ENTREP2: variants seen among roughly 807,000 people sequenced by gnomAD.
The protein encoded by ENTREP2 is protein ENTREP2.
At chr15:29,229,961 A>AT in the ENTREP2 span, among the ~76,000 whole-genome samples, 3 of 130,348 alleles carry the variant, frequency 2.3e-5, no homozygotes, top group Admixed American at 2.5e-4. Flanking sequence ...CAAACTTAAC[A>AT]TTAAAAAAAA....
At chr15:29,337,128 T>C in the ENTREP2 span, among the ~76,000 whole-genome samples, 1 of 152,196 alleles carries the variant, frequency 6.6e-6, no homozygotes, top group Non-Finnish European at 1.5e-5. Flanking sequence ...TTTGAGATTA[T>C]GAATTCCCTG....
chr15:29,350,235 G>A, the ENTREP2 span, among the ~76,000 whole-genome samples: 544 of 152,118 alleles, frequency 3.6e-3, 5 homozygotes, highest in African/African-American at 0.012. Flanking sequence ...TTCTTCTTAA[G>A]TTTGGCTATA....
chr15:29,278,932 C>G, the ENTREP2 span, among the ~76,000 whole-genome samples: 2 of 152,156 alleles, frequency 1.3e-5, no homozygotes, highest in African/African-American at 4.8e-5. Context: ...TGTTTGGTTC[C>G]TCCTGAGGCT....
At chr15:29,639,768 C>CTTTTTTTTTTTT in the ENTREP2 span, among the ~76,000 whole-genome samples, 1 of 127,304 alleles carries the variant, frequency 7.9e-6, no homozygotes, top group East Asian at 2.2e-4. Context: ...TTTTTGTTTG[C>CTTTTTTTTTTTT]TTTTTTTTTT....
the ENTREP2 span, chr15:29,122,025 G>A: frequency 6.6e-6 from 1 of 152,314 alleles, no homozygotes; most frequent in Non-Finnish European, 1.5e-5. Context: ...ACACCCTCTG[G>A]TCCCCCTGCG....
chr15:29,371,819 CA>C, the ENTREP2 span, among the ~76,000 whole-genome samples: 2 of 151,704 alleles, frequency 1.3e-5, no homozygotes, highest in African/African-American at 4.8e-5. Flanking sequence ...AGAAAGAAAA[CA>C]TTAGAAAATG....
chr15:29,549,169 T>C, the ENTREP2 span, among the ~76,000 whole-genome samples: 2 of 152,186 alleles, frequency 1.3e-5, no homozygotes, highest in African/African-American at 4.8e-5. Context: ...TTAGACCACG[T>C]TGCAGCCCTG....
chr15:29,380,070 G>A, the ENTREP2 span, among the ~76,000 whole-genome samples: 12 of 151,828 alleles, frequency 7.9e-5, no homozygotes, highest in Non-Finnish European at 1.5e-4. Context: ...GCTGGGGGGA[G>A]GTGGGGGGTG....
At chr15:29,194,180 G>T in the ENTREP2 span, among the ~76,000 whole-genome samples, 1 of 152,194 alleles carries the variant, frequency 6.6e-6, no homozygotes, top group Non-Finnish European at 1.5e-5. Context: ...CAACAAAATT[G>T]GACGACAGCA....
the ENTREP2 span, among the ~76,000 whole-genome samples, chr15:29,453,036 C>T: frequency 6.6e-6 from 1 of 152,184 alleles, no homozygotes; most frequent in East Asian, 1.9e-4. Context: ...TGCCTCCCTG[C>T]TTCCTGCCCT....
At chr15:29,603,278 T>A in the ENTREP2 span, among the ~76,000 whole-genome samples, 1 of 152,162 alleles carries the variant, frequency 6.6e-6, no homozygotes, top group Admixed American at 6.5e-5. Flanking sequence ...AGGTGGTCCA[T>A]GTGTGGTCCC....
chr15:29,215,359 TA>T, the ENTREP2 span, among the ~76,000 whole-genome samples: 10,122 of 152,030 alleles, frequency 0.067, 1,164 homozygotes, highest in African/African-American at 0.23. Flanking sequence ...CTAGTGCAGA[TA>T]AGACTATAAG....
At chr15:29,392,010 A>G in the ENTREP2 span, among the ~76,000 whole-genome samples, 1 of 152,066 alleles carries the variant, frequency 6.6e-6, no homozygotes, top group African/African-American at 2.4e-5. Context: ...CCTATTTTTT[A>G]GTAGAGACAG....
chr15:29,224,040 T>C, the ENTREP2 span, among the ~76,000 whole-genome samples: 94 of 152,342 alleles, frequency 6.2e-4, no homozygotes, highest in Middle Eastern at 0.017. Flanking sequence ...AACGAAGCCG[T>C]GGACCCTCAC....
At chr15:29,429,424 T>A in the ENTREP2 span, among the ~76,000 whole-genome samples, 1 of 152,316 alleles carries the variant, frequency 6.6e-6, no homozygotes, top group Non-Finnish European at 1.5e-5. Flanking sequence ...ACTCACTACG[T>A]TCCCAGGGCT....
the ENTREP2 span, among the ~76,000 whole-genome samples, chr15:29,288,124 G>A: frequency 9.9e-5 from 15 of 152,156 alleles, no homozygotes; most frequent in African/African-American, 3.4e-4. Flanking sequence ...GGAAAATAAA[G>A]CTATTTGATG....
At chr15:29,411,450 G>A in the ENTREP2 span, among the ~76,000 whole-genome samples, 4 of 152,182 alleles carry the variant, frequency 2.6e-5, no homozygotes, top group African/African-American at 7.2e-5. Flanking sequence ...ACTGGGGCAT[G>A]TGTTGACACG....
the ENTREP2 span, among the ~76,000 whole-genome samples, chr15:29,338,873 A>G: frequency 1.4e-5 from 2 of 148,096 alleles, no homozygotes; most frequent in East Asian, 4.0e-4. Flanking sequence ...TCATACAATG[A>G]ATTATTGATT....
the ENTREP2 span, among the ~76,000 whole-genome samples, chr15:29,514,660 C>A: frequency 1.3e-5 from 2 of 152,206 alleles, no homozygotes; most frequent in African/African-American, 4.8e-5. Context: ...CCACTTTAGT[C>A]TATTTCCTGG....
Sources: gnomAD v4.1 joint callset for allele counts (sites outside exome capture counted in the v4.1 genomes callset) on GRCh38, gnomAD v4.1.1 for gene constraint, MANE v1.5 for transcripts, NCBI Gene and HGNC (gene_info 2026-07-23, HGNC 2026-07-21) for gene names.